The following KANSL1 variants were observed in gnomAD, a reference collection of about 807,000 sequenced individuals.
KANSL1 encodes the protein KAT8 regulatory NSL complex subunit 1, also known as MLL1/MLL complex subunit KANSL1.
KANSL1 carries 22 observed loss-of-function variants against 103.6 expected under a neutral mutation model. The ratio of observed to expected loss-of-function variants is 0.21; its 90% confidence interval spans 0.15 to 0.30. KANSL1 has a LOEUF of 0.30. Among genes scored for constraint, KANSL1 ranks in the 10% least tolerant of loss-of-function variants. KANSL1 has a pLI of 1.00. For missense variants in KANSL1, 1,337 were observed against 1,399.8 expected (o/e 0.96, Z 0.72); for synonymous variants, 600 against 527.6 (o/e 1.14, Z -1.88).
intron 6 of KANSL1, among the ~76,000 whole-genome samples, chr17:46,052,938 T>C (rs1598487822): frequency 9.0e-6 from 1 of 111,214 alleles, no homozygotes; most frequent in Admixed American, 1.2e-4. Flanking sequence ...CACTGCAGCC[T>C]GGGAAAAAGA....
At chr17:46,071,664 T>C (rs1430853169) in intron 4 of KANSL1, among the ~76,000 whole-genome samples, 1 of 152,220 alleles carries the variant, frequency 6.6e-6, no homozygotes, top group Non-Finnish European at 1.5e-5. Flanking sequence ...TTTACATCAT[T>C]AGTGTTTTTA....
chr17:46,208,703 G>A (rs1401072750), intron 1 of KANSL1, among the ~76,000 whole-genome samples: 1 of 151,524 alleles, frequency 6.6e-6, no homozygotes, highest in Non-Finnish European at 1.5e-5. Flanking sequence ...CTTCAGGCCA[G>A]GTGGCTTCCC....
At chr17:46,144,555 A>G (rs539561332) in intron 2 of KANSL1, among the ~76,000 whole-genome samples, 21 of 152,248 alleles carry the variant, frequency 1.4e-4, no homozygotes, top group Non-Finnish European at 2.9e-4. Context: ...GAAATTTTAT[A>G]AACAGCCATG....
intron 2 of KANSL1, among the ~76,000 whole-genome samples, chr17:46,098,871 C>A (rs964434234): frequency 6.6e-6 from 1 of 152,160 alleles, no homozygotes; most frequent in Non-Finnish European, 1.5e-5. Flanking sequence ...GTTCAAAATA[C>A]CAGCAATATG....
intron 1 of KANSL1, among the ~76,000 whole-genome samples, chr17:46,208,127 C>A (rs534741786): frequency 1.3e-5 from 2 of 151,918 alleles, no homozygotes; most frequent in African/African-American, 4.8e-5. Context: ...AAAAAAGTTT[C>A]AAAGATAAAA....
chr17:46,106,689 A>C (rs149835921), intron 2 of KANSL1, among the ~76,000 whole-genome samples: 55 of 152,322 alleles, frequency 3.6e-4, no homozygotes, highest in Non-Finnish European at 6.0e-4. Flanking sequence ...CAATGCGCCC[A>C]GCTGAGACCA....
intron 1 of KANSL1, among the ~76,000 whole-genome samples, chr17:46,189,554 T>C (rs1325544266): frequency 6.6e-6 from 1 of 152,160 alleles, no homozygotes; most frequent in East Asian, 1.9e-4. Flanking sequence ...AAATCCAGTG[T>C]GGATTAGTTT....
chr17:46,133,222 C>T (rs768626103), intron 2 of KANSL1, among the ~76,000 whole-genome samples: 49 of 152,092 alleles, frequency 3.2e-4, no homozygotes, highest in Non-Finnish European at 5.1e-4. Context: ...GTATGTGATC[C>T]CAAACCCTTA....
At chr17:46,166,265 A>G (rs2045995034) in intron 2 of KANSL1, among the ~76,000 whole-genome samples, 1 of 151,650 alleles carries the variant, frequency 6.6e-6, no homozygotes, top group Non-Finnish European at 1.5e-5. Context: ...TAATCCCAGC[A>G]CTGTGGGAGG....
chr17:46,161,974 A>G (rs1055711415), intron 2 of KANSL1, among the ~76,000 whole-genome samples: 11 of 152,248 alleles, frequency 7.2e-5, no homozygotes, highest in Non-Finnish European at 1.3e-4. Context: ...AATTTTGTCT[A>G]CCATGGTACA....
At chr17:46,208,868 A>AG (rs1168153634) in intron 1 of KANSL1, among the ~76,000 whole-genome samples, 2 of 149,224 alleles carry the variant, frequency 1.3e-5, no homozygotes, top group African/African-American at 5.0e-5. Flanking sequence ...AAAAAAAAAA[A>AG]CCTTACAACA....
At chr17:46,095,694 T>C (rs1385022420) in intron 2 of KANSL1, among the ~76,000 whole-genome samples, 3 of 152,300 alleles carry the variant, frequency 2.0e-5, no homozygotes, top group African/African-American at 7.2e-5. Flanking sequence ...TACACAAAGA[T>C]TTCACCTACT....
chr17:46,163,906 G>A (rs2147650875), intron 2 of KANSL1, among the ~76,000 whole-genome samples: 1 of 152,256 alleles, frequency 6.6e-6, no homozygotes, highest in South Asian at 2.1e-4. Flanking sequence ...TCTTCTCTGT[G>A]TGCCCTGTGC....
chr17:46,131,303 A>T (rs986607709), intron 2 of KANSL1, among the ~76,000 whole-genome samples: 4 of 152,258 alleles, frequency 2.6e-5, no homozygotes, highest in African/African-American at 9.6e-5. Flanking sequence ...TAAGGCTAAC[A>T]TGATGTCCAT....
At chr17:46,158,671 G>A (rs1400341953) in intron 2 of KANSL1, among the ~76,000 whole-genome samples, 1 of 152,224 alleles carries the variant, frequency 6.6e-6, no homozygotes, top group African/African-American at 2.4e-5. Flanking sequence ...GTCCCGAGTA[G>A]CTGGGATTAC....
intron 2 of KANSL1, among the ~76,000 whole-genome samples, chr17:46,104,385 G>A (rs754789098): frequency 3.9e-5 from 6 of 152,064 alleles, no homozygotes; most frequent in Non-Finnish European, 7.4e-5. Context: ...CTTGTGCATC[G>A]TACCTCACAA....
At chr17:46,189,956 G>C (rs1019623506) in intron 1 of KANSL1, among the ~76,000 whole-genome samples, 14 of 148,908 alleles carry the variant, frequency 9.4e-5, no homozygotes, top group Admixed American at 6.0e-4. Context: ...AGGTAACTAA[G>C]CTTTACTCGC....
chr17:46,093,861 T>C (rs921972393), intron 3 of KANSL1: 2 of 152,254 alleles, frequency 1.3e-5, no homozygotes, highest in African/African-American at 2.4e-5. Context: ...TTGAGAACAC[T>C]GCTGAGACAC....
chr17:46,210,499 A>AGAAATATGTGAATATAATTT (rs1567806897), intron 1 of KANSL1, among the ~76,000 whole-genome samples: 1 of 79,816 alleles, frequency 1.3e-5, no homozygotes, highest in African/African-American at 6.7e-5. Flanking sequence ...AAAAAAAAAA[A>AGAAATATGTGAATATAATTT]AAAGACCTGA....
Sources: allele counts gnomAD v4.1 joint callset (sites outside exome capture counted in the v4.1 genomes callset), GRCh38; gene constraint gnomAD v4.1.1; transcripts MANE v1.5; gene names NCBI Gene and HGNC (gene_info 2026-07-23, HGNC 2026-07-21).